The following ABCA4 variants were observed in gnomAD, a reference collection of about 807,000 sequenced individuals.
The protein encoded by ABCA4 is retinal-specific phospholipid-transporting ATPase ABCA4.
A neutral mutation model predicts 263.7 loss-of-function variants in ABCA4; 196 were observed. That is an observed-to-expected ratio of 0.74 (90% CI 0.66 to 0.84). The LOEUF (loss-of-function observed/expected upper bound fraction) is 0.84, where lower values mean the gene tolerates loss of function less well. ABCA4 is among the 40% of genes least tolerant of loss of function. ABCA4 has a pLI of 0.00. For synonymous variants in ABCA4, 1,133 were observed against 1,094.2 expected (o/e 1.04, Z -0.70); for missense variants, 2,792 against 2,855.1 (o/e 0.98, Z 0.50).
At chr1:94,017,919 G>A (rs1033722053) in intron 36 of ABCA4, among the ~76,000 whole-genome samples, 3 of 152,230 alleles carry the variant, frequency 2.0e-5, no homozygotes, top group Non-Finnish European at 4.4e-5. Flanking sequence ...TGTGCTAAGT[G>A]AATTACATAA....
chr1:93,995,874 A>G (rs1466008715), intron 49 of ABCA4, among the ~76,000 whole-genome samples: 1 of 152,250 alleles, frequency 6.6e-6, no homozygotes, highest in Non-Finnish European at 1.5e-5. Flanking sequence ...CCTGATTACA[A>G]TAGGAACCCC....
chr1:93,995,983 T>C lies in ABCA4; in HGVS notation c.6816+126A>G, dbSNP rs2100985348. 3 of 773,692 alleles carry C rather than the reference T, an allele frequency of 3.9e-6. No individual in the cohort carries two copies. The Admixed American group carries it at 6.1e-5, about 16-fold the overall frequency. The allele number at this position is 773,692 out of a possible 1,614,324, so 47.9% of individuals were successfully genotyped here. ...TGTGGTGGGGACTTGGTAGGGACCGTGGTGTGGGTGGGGCTCTCTGTAGGA... is the reference window on the plus strand; with the variant it reads ...TGTGGTGGGGACTTGGTAGGGACCGCGGTGTGGGTGGGGCTCTCTGTAGGA... On this transcript the variant is annotated intron_variant, in intron 49 of 49. Transcript: ENST00000370225.
intron 11 of ABCA4, among the ~76,000 whole-genome samples, chr1:94,065,664 A>C (rs1371752721): frequency 6.6e-6 from 1 of 152,238 alleles, no homozygotes; most frequent in Non-Finnish European, 1.5e-5. Flanking sequence ...TCAGTCTTCT[A>C]GATAAAAAGG....
At chr1:94,038,781 G>A (rs1660410492) in intron 24 of ABCA4, among the ~76,000 whole-genome samples, 4 of 152,108 alleles carry the variant, frequency 2.6e-5, no homozygotes, top group Admixed American at 2.6e-4. Flanking sequence ...AGGGCTTTGG[G>A]CATCTGGGAG....
Position 94,072,967 on chromosome 1 carries a change from AG to A in ABCA4, c.1554+4722del, listed in dbSNP as rs3838278. ...CCACAGAAATGCCAGCATGGTGGTT[AG>A]GCCGCCCTCCTGGGAGGGGCCTGTA... On this transcript the variant is annotated intron_variant, in intron 11 of 49. Coordinates refer to ENST00000370225, the MANE Select transcript of ABCA4 (RefSeq NM_000350.3). Among the ~76,000 whole-genome samples, 185 of 152,212 alleles carry A rather than the reference AG, an allele frequency of 1.2e-3. 1 individual carries two copies. The East Asian group carries it at 0.017, about 14-fold the overall frequency.
chr1:94,027,401 C>T (rs1000560628), intron 30 of ABCA4, among the ~76,000 whole-genome samples: 1 of 152,190 alleles, frequency 6.6e-6, no homozygotes, highest in Non-Finnish European at 1.5e-5. Flanking sequence ...ACAGCCTTGA[C>T]GTCCTGATGC....
At position 94,011,659 on chromosome 1, in the gene ABCA4, TC is replaced by T. The variant is rs1456255065; in HGVS notation, c.5461-275del. ...CAAGGACTGGGGCTCCCTGCAAGTT[TC>T]TAGTGGGCGGGAGCTTCCCCTTTGT... On this transcript the variant is annotated intron_variant, in intron 38 of 49. Transcript: ENST00000370225. Among the ~76,000 whole-genome samples the T allele has an allele frequency of 2.0e-5, 3 of 152,350 alleles. No homozygotes were observed. In the East Asian group the frequency reaches 5.8e-4, roughly 29 times the overall value.
At position 94,010,919 on chromosome 1, in the gene ABCA4, G is replaced by A. The variant is rs763143652; in HGVS notation, c.5595C>T (p.His1865=). The A allele has an allele frequency of 2.5e-6, 4 of 1,614,064 alleles. No homozygotes were observed. The highest frequency in any genetic ancestry group is 3.4e-6 in the Non-Finnish European group (4 of 1,179,990). The change falls in exon 40 of 50, where the codon CAC becomes CAT. Residue 1865 remains histidine, a synonymous_variant. Transcript: ENST00000370225. ...GGTCCCAGTGGAACGGATTTGCAGA[G>A]TGCTCCTCACCTGGGCATCAACAGG... The part of the protein sequence containing the change: ...TDVYARFGEE[H]SANPFHWDLI...
At chr1:94,062,262 C>A (rs1661147834) in intron 13 of ABCA4, among the ~76,000 whole-genome samples, 1 of 152,222 alleles carries the variant, frequency 6.6e-6, no homozygotes. Context: ...CTTCCACATA[C>A]CAAACATACT....
chr1:94,068,439 G>A (rs575728628), intron 11 of ABCA4, among the ~76,000 whole-genome samples: 2 of 152,354 alleles, frequency 1.3e-5, no homozygotes, highest in African/African-American at 4.8e-5. Flanking sequence ...CTGCCATGCA[G>A]CAAGTGACCT....
rs748414040 is a variant in ABCA4, at chr1:94,043,340, T to A, written c.3186A>T (p.Leu1062=). 4 of 1,613,982 alleles carry A rather than the reference T, an allele frequency of 2.5e-6. No individual in the cohort carries two copies. The highest frequency in any genetic ancestry group is 3.4e-6 in the Non-Finnish European group (4 of 1,179,998). ...TCTCCATCCAGCTCTGAGCACCTGATAGGTCCTGAGCCTCTTCATTCCGCT... is the reference window on the plus strand; with the variant it reads ...TCTCCATCCAGCTCTGAGCACCTGAAAGGTCCTGAGCCTCTTCATTCCGCT... ...HHKRNEEAQD[L]SGGMQRKLSV... The change falls in exon 21 of 50, where the codon CTA becomes CTT. Residue 1062 remains leucine, a synonymous_variant. Coordinates refer to ENST00000370225, the MANE Select transcript of ABCA4 (RefSeq NM_000350.3).
chr1:94,064,110 T>C (rs1661204482), intron 11 of ABCA4, among the ~76,000 whole-genome samples: 1 of 152,234 alleles, frequency 6.6e-6, no homozygotes, highest in South Asian at 2.1e-4. Context: ...GTGTCGACAT[T>C]TCTTTCTTAG....
Position 94,001,083 on chromosome 1 carries a change from TC to T in ABCA4, c.6304del (p.Asp2102ThrfsTer13). 1 of 1,613,760 alleles carries T rather than the reference TC, an allele frequency of 6.2e-7. No homozygotes were observed. The highest frequency in any genetic ancestry group is 8.5e-7 in the Non-Finnish European group (1 of 1,179,966). ...VLLDEPTTGM[D>X]PQARRMLWNV... ...CCACAGCATGCGGCGTGCCTGGGGG[TC>T]CATCCCTGTGGTGGGCTCATCCTGG... On this transcript the variant is annotated frameshift_variant, in exon 46 of 50. Transcript: ENST00000370225. LOFTEE classifies it high-confidence loss of function.
intron 8 of ABCA4, among the ~76,000 whole-genome samples, 161 bp downstream of exon 8, chr1:94,080,317 C>T (rs1170623291): frequency 1.2e-4 from 18 of 152,320 alleles, no homozygotes; most frequent in Non-Finnish European, 8.8e-5. Flanking sequence ...TGCCCCCTTT[C>T]TGCAAGGGGA....
chr1:94,089,201 T>C (rs770659873), intron 6 of ABCA4, among the ~76,000 whole-genome samples: 3 of 152,256 alleles, frequency 2.0e-5, no homozygotes, highest in Non-Finnish European at 4.4e-5. Flanking sequence ...AATTTTTACT[T>C]ATGAAATTAT....
chr1:94,026,332 C>T (rs1041546507), intron 30 of ABCA4, among the ~76,000 whole-genome samples: 1 of 152,182 alleles, frequency 6.6e-6, no homozygotes, highest in African/African-American at 2.4e-5. Context: ...GTGTGTCGGG[C>T]ACTATGTTAA....
intron 45 of ABCA4, 63 bp from the exon 46 acceptor site, chr1:94,001,168 C>T (rs1478993908): frequency 1.4e-6 from 2 of 1,385,506 alleles, no homozygotes; most frequent in African/African-American, 2.9e-5. Context: ...TTACTGCTTC[C>T]CCCTGGGCTG....
chr1:94,081,190 A>C (rs1390224152), intron 7 of ABCA4, among the ~76,000 whole-genome samples: 3 of 152,080 alleles, frequency 2.0e-5, no homozygotes, highest in Non-Finnish European at 4.4e-5. Context: ...GTGCCACTGC[A>C]CTCCAGCCTG....
intron 40 of ABCA4, 53 bp from the exon 41 acceptor site, chr1:94,008,924 C>A: frequency 6.2e-7 from 1 of 1,602,356 alleles, no homozygotes; most frequent in East Asian, 2.2e-5. Context: ...GTCCTTGGCA[C>A]TGTCCTTTCC....
Sources: gnomAD v4.1 joint callset for allele counts (sites outside exome capture counted in the v4.1 genomes callset) on GRCh38, gnomAD v4.1.1 for gene constraint, MANE v1.5 for transcripts, NCBI Gene and HGNC (gene_info 2026-07-23, HGNC 2026-07-21) for gene names.